The following GOLGA5 variants were observed in gnomAD, a reference collection of about 807,000 sequenced individuals.
GOLGA5 encodes the protein golgin subfamily A member 5.
In GOLGA5, 50 loss-of-function variants were observed where a neutral mutation model predicts 93.5. The observed-to-expected ratio is 0.53, with a 90% CI of 0.43 to 0.68. GOLGA5 has a LOEUF of 0.68. Among genes scored for constraint, GOLGA5 ranks in the 30% least tolerant of loss-of-function variants. GOLGA5 has a pLI of 0.00. For missense variants in GOLGA5, 760 were observed against 856.4 expected (o/e 0.89, Z 1.40); for synonymous variants, 312 against 304.5 (o/e 1.02, Z -0.26).
At chr14:92,836,518 G>C (rs1482379771) in intron 11 of GOLGA5, among the ~76,000 whole-genome samples, 1 of 152,054 alleles carries the variant, frequency 6.6e-6, no homozygotes, top group Non-Finnish European at 1.5e-5. Context: ...GCAGAAAGGG[G>C]TATTGCTTCT....
At position 92,798,291 on chromosome 14, in the gene GOLGA5, A is replaced by G. The variant is rs1361928107; in HGVS notation, c.544+310A>G. On this transcript the variant is annotated intron_variant, in intron 2 of 12. Transcript: ENST00000163416. Reference sequence around the variant, plus strand: ...AGAAAATTTTGAAATCTGAAAGAAAACATGTCAGTTTGGATCGGGGACTAT... The same window carrying G: ...AGAAAATTTTGAAATCTGAAAGAAAGCATGTCAGTTTGGATCGGGGACTAT... Among the ~76,000 whole-genome samples, 2 of 152,218 alleles carry G rather than the reference A, an allele frequency of 1.3e-5. 1 individual carries two copies. Among genetic ancestry groups the G allele is most frequent in the Admixed American group, 1.3e-4 (2 of 15,288 alleles).
At chr14:92,803,015 GTTAAT>G (rs764455910) in intron 2 of GOLGA5, among the ~76,000 whole-genome samples, 19 of 151,898 alleles carry the variant, frequency 1.3e-4, no homozygotes, top group Non-Finnish European at 2.6e-4. Context: ...CATTTATTTA[GTTAAT>G]TTAATTTTTA....
intron 6 of GOLGA5, among the ~76,000 whole-genome samples, chr14:92,815,305 CCT>C (rs1472389571): frequency 2.0e-5 from 3 of 152,188 alleles, no homozygotes; most frequent in African/African-American, 7.2e-5. Context: ...CTTAAAGTCT[CCT>C]CTTACCCAGA....
At position 92,825,855 on chromosome 14, in the gene GOLGA5, C is replaced by CCA. The variant is rs1555405598; in HGVS notation, c.1719+1211_1719+1212insCA. On this transcript the variant is annotated intron_variant, in intron 9 of 12. Transcript: ENST00000163416. The stretch of plus-strand genomic sequence containing the variant: ...TGAGTGACAGAGTGAGACCCTGTCT[C>CCA]AAAAAAAAAAAGAAAAAACAACCAT... Among the ~76,000 whole-genome samples, 3 of 117,090 alleles carry CCA rather than the reference C, an allele frequency of 2.6e-5. No homozygotes were observed. The East Asian group carries it at 7.6e-4, about 30-fold the overall frequency. The allele number at this position is 117,090 out of a possible 152,430, so 76.8% of individuals were successfully genotyped here.
At chr14:92,819,972 A>T in intron 8 of GOLGA5, 136 bp downstream of exon 8, 2 of 763,334 alleles carry the variant, frequency 2.6e-6, no homozygotes, top group Non-Finnish European at 4.2e-6. Flanking sequence ...CTGCCTTCCC[A>T]TCTCATCTGA....
chr14:92,824,650 A>AATCACT lies in GOLGA5; in HGVS notation c.1719+9_1719+14dup. The AATCACT allele has an allele frequency of 1.4e-6, 2 of 1,449,244 alleles. No homozygotes were observed. 89.8% of individuals were successfully genotyped at this position (1,449,244 alleles called of 1,614,324 possible). On this transcript the variant is annotated splice_region_variant and intron_variant, in intron 9 of 12. Coordinates refer to ENST00000163416, the MANE Select transcript of GOLGA5 (RefSeq NM_005113.4). The stretch of plus-strand genomic sequence containing the variant: ...TTCAAAAACTCAGGAATCAGGTATG[A>AATCACT]ATCACTATTCACAACTTGTGAAAAG...
rs114670465 is a variant in GOLGA5 at position 92,833,577 on chromosome 14, T to C, written c.1945+230T>C. Among the ~76,000 whole-genome samples the C allele has an allele frequency of 2.1e-3, 319 of 152,322 alleles. 2 individuals are homozygous for C. The highest frequency in any genetic ancestry group is 7.2e-3 in the African/African-American group (299 of 41,574). The stretch of plus-strand genomic sequence containing the variant: ...AAAGTAGTCTGAGGATTGATAATTA[T>C]ATTGTAATGTCTGAGACACTTAACA... On this transcript the variant is annotated intron_variant, in intron 10 of 12. Transcript: ENST00000163416.
intron 6 of GOLGA5, among the ~76,000 whole-genome samples, 188 bp downstream of exon 6, chr14:92,811,942 A>T (rs200260685): frequency 9.0e-5 from 1 of 11,164 alleles, no homozygotes; most frequent in Non-Finnish European, 1.3e-4. Context: ...CACTTCTTTT[A>T]AAAAAAAAAT....
chr14:92,835,756 C>A, intron 11 of GOLGA5, 92 bp downstream of exon 11: 1 of 668,770 alleles, frequency 1.5e-6, no homozygotes, highest in Non-Finnish European at 2.7e-6. Context: ...CAGGCAGAGT[C>A]TATATTTAAA....
At chr14:92,828,194 AGAG>A (rs1341285014) in intron 9 of GOLGA5, among the ~76,000 whole-genome samples, 1 of 152,222 alleles carries the variant, frequency 6.6e-6, no homozygotes, top group South Asian at 2.1e-4. Context: ...CTTCTCCAGG[AGAG>A]GAGAAGTCAC....
At chr14:92,809,187 C>T in intron 3 of GOLGA5, 113 bp from the exon 4 acceptor site, 1 of 676,562 alleles carries the variant, frequency 1.5e-6, no homozygotes, top group Non-Finnish European at 2.5e-6. Flanking sequence ...CGTGTAAGTT[C>T]CCAATTTTGT....
intron 9 of GOLGA5, 103 bp from the exon 10 acceptor site, chr14:92,833,019 A>G: frequency 1.4e-6 from 1 of 727,790 alleles, no homozygotes; most frequent in Non-Finnish European, 2.4e-6. Context: ...GTTTTGAGAA[A>G]TCAATGAATG....
intron 2 of GOLGA5, among the ~76,000 whole-genome samples, chr14:92,804,744 C>T (rs1396535634): frequency 6.7e-6 from 1 of 148,722 alleles, no homozygotes; most frequent in African/African-American, 2.5e-5. Context: ...CAACCTCTGC[C>T]TCCCAGGTTC....
intron 6 of GOLGA5, among the ~76,000 whole-genome samples, chr14:92,815,373 T>A (rs571776845): frequency 1.3e-5 from 2 of 152,366 alleles, no homozygotes; most frequent in African/African-American, 4.8e-5. Flanking sequence ...TTTTCTCTAC[T>A]TGTGTTGATT....
intron 9 of GOLGA5, among the ~76,000 whole-genome samples, chr14:92,831,491 A>AAAACT (rs1161503261): frequency 2.0e-5 from 3 of 152,226 alleles, no homozygotes; most frequent in African/African-American, 7.2e-5. Flanking sequence ...AAGAATAGGC[A>AAAACT]AAACTAAATT....
Position 92,794,400 on chromosome 14 carries a change from G to C in GOLGA5, c.-87G>C, listed in dbSNP as rs991792051. ...GGGCCCCCTCCGGGCCAGCCGCCGA[G>C]GGGGCGCGGCCCAGGACGGCGGCTA... On this transcript the variant is annotated 5_prime_UTR_variant, in exon 1 of 13. Transcript: ENST00000163416. The C allele has an allele frequency of 3.9e-5, 6 of 152,322 alleles. No individual in the cohort carries two copies. Among genetic ancestry groups the C allele is most frequent in the African/African-American group, 9.6e-5 (4 of 41,470 alleles). 9.4% of individuals were successfully genotyped at this position (152,322 alleles called of 1,614,324 possible).
At chr14:92,820,244 G>A (rs1885289274) in intron 8 of GOLGA5, among the ~76,000 whole-genome samples, 1 of 152,218 alleles carries the variant, frequency 6.6e-6, no homozygotes, top group South Asian at 2.1e-4. Context: ...AAGAAAACAT[G>A]TGAGCAAAGG....
chr14:92,801,439 G>C (rs996647528), intron 2 of GOLGA5, among the ~76,000 whole-genome samples: 2 of 152,064 alleles, frequency 1.3e-5, no homozygotes, highest in African/African-American at 4.8e-5. Context: ...TCATTTTCTG[G>C]AAGTGTCAAG....
chr14:92,827,840 C>T (rs1170461396), intron 9 of GOLGA5, among the ~76,000 whole-genome samples: 1 of 152,178 alleles, frequency 6.6e-6, no homozygotes, highest in Non-Finnish European at 1.5e-5. Flanking sequence ...TTTGAGTGGT[C>T]TGGATAGATC....
Sources: allele counts gnomAD v4.1 joint callset (sites outside exome capture counted in the v4.1 genomes callset), GRCh38; gene constraint gnomAD v4.1.1; transcripts MANE v1.5; gene names NCBI Gene and HGNC (gene_info 2026-07-23, HGNC 2026-07-21).